The following TRMT2A variants were observed in gnomAD, a reference collection of about 807,000 sequenced individuals.
The protein encoded by TRMT2A is tRNA methyltransferase 2A.
In TRMT2A, 60 loss-of-function variants were observed where a neutral mutation model predicts 59.3. The observed-to-expected ratio is 1.01, with a 90% CI of 0.82 to 1.26. The LOEUF is 1.26. TRMT2A is among the 50% of genes most tolerant of loss of function. The pLI is 0.00. For missense variants in TRMT2A, 863 were observed against 845.2 expected (o/e 1.02, Z -0.26); for synonymous variants, 403 against 353.7 (o/e 1.14, Z -1.56).
intron 7 of TRMT2A, among the ~76,000 whole-genome samples, chr22:20,114,039 C>T (rs1313090711): frequency 6.6e-6 from 1 of 152,216 alleles, no homozygotes; most frequent in Admixed American, 6.5e-5. Flanking sequence ...CCTCCTTGCC[C>T]CACTTGGTTG....
chr22:20,112,287 T>G lies in TRMT2A; in HGVS notation c.*276A>C, dbSNP rs1230724199. On this transcript the variant is annotated 3_prime_UTR_variant, in exon 12 of 12. Coordinates refer to ENST00000252136, the MANE Select transcript of TRMT2A (RefSeq NM_022727.6). ...CCTGTGTTCAGACCCCTGGCTCTCA[T>G]CACAGAAACACCCTTTGTTGAGCAG... 1 of 507,776 alleles carries G rather than the reference T, an allele frequency of 2.0e-6. No individual in the cohort carries two copies. Among genetic ancestry groups the G allele is most frequent in the Middle Eastern group, 5.0e-4 (1 of 2,020 alleles). 31.5% of individuals were successfully genotyped at this position (507,776 alleles called of 1,614,324 possible). A position where few individuals can be genotyped will look rare whatever the true frequency, so the allele number is the denominator to read the frequency against.
At chr22:20,114,508 C>T in intron 7 of TRMT2A, 66 bp downstream of exon 7, 1 of 1,338,394 alleles carries the variant, frequency 7.5e-7, no homozygotes, top group South Asian at 1.2e-5. Context: ...CTGTTCCCAT[C>T]ACGTCCTGAT....
In TRMT2A at chr22:20,114,832, C is replaced by G; in HGVS notation, c.1050G>C (p.Ala350=). The change falls in exon 6 of 12, where the codon GCG becomes GCC. Residue 350 remains alanine, a synonymous_variant. Coordinates refer to ENST00000252136, the MANE Select transcript of TRMT2A (RefSeq NM_022727.6). Reference sequence around the variant, plus strand: ...TGCCTGGCCCTGCTGTGAAGTGCTGCGCTAGGGAGGTCTTCAGCTCTGCCA... The same window carrying G: ...TGCCTGGCCCTGCTGTGAAGTGCTGGGCTAGGGAGGTCTTCAGCTCTGCCA... ...EELAELKTSL[A]QHFTAGPGRA... is the part of the protein sequence containing the mutation. 6.2e-7 allele frequency: 1 copy of G among 1,607,128 alleles called. No individual in the cohort carries two copies. Among genetic ancestry groups the G allele is most frequent in the Non-Finnish European group, 8.5e-7 (1 of 1,178,072 alleles).
At position 20,116,265 on chromosome 22, in the gene TRMT2A, C is replaced by A; in HGVS notation, c.372G>T (p.Lys124Asn). ...GGGCACCATGCAAAACGCGCAGGGC[C>A]TTGTCCCTCTCTGCAGCGCTGCGGA... Reference protein sequence around the residue: ...VTFRSAAERDKALRVLHGALW... With the variant: ...VTFRSAAERDNALRVLHGALW... Residue 124 changes from lysine to asparagine, a missense_variant, in exon 2 of 12, where the codon AAG becomes AAT. Physicochemically the swap from Lys to Asn is moderately conservative, Grantham distance 94. Coordinates refer to ENST00000252136, the MANE Select transcript of TRMT2A (RefSeq NM_022727.6). The A allele has an allele frequency of 6.2e-7, 1 of 1,612,966 alleles. No individual in the cohort carries two copies. The highest frequency in any genetic ancestry group is 8.5e-7 in the Non-Finnish European group (1 of 1,180,030).
chr22:20,113,399 A>AGCCCC, intron 9 of TRMT2A, 33 bp downstream of exon 9: 7 of 713,630 alleles, frequency 9.8e-6, no homozygotes, highest in Non-Finnish European at 1.4e-5. Context: ...GGCTGCCCCC[A>AGCCCC]TCCCCACCCC....
chr22:20,114,939 TC>T, intron 5 of TRMT2A, 25 bp downstream of exon 5: 2 of 1,571,070 alleles, frequency 1.3e-6, no homozygotes, highest in Non-Finnish European at 1.7e-6. Context: ...CTAGGCACCC[TC>T]CCCCAGCAGG....
chr22:20,115,837 G>A, intron 2 of TRMT2A, 57 bp from the exon 3 acceptor site: 2 of 1,526,820 alleles, frequency 1.3e-6, no homozygotes, highest in Non-Finnish European at 1.8e-6. Flanking sequence ...ACCCATGCCA[G>A]GCCACTCCCC....
rs1387623863 is a variant in TRMT2A at position 20,114,569 on chromosome 22, G to T, written c.1233+5C>A. 6.2e-7 allele frequency: 1 copy of T among 1,611,402 alleles called. No homozygotes were observed. The highest frequency in any genetic ancestry group is 1.3e-5 in the African/African-American group (1 of 74,874). On this transcript the variant is annotated splice_donor_5th_base_variant and intron_variant, in intron 7 of 11. Coordinates refer to ENST00000252136, the MANE Select transcript of TRMT2A (RefSeq NM_022727.6). The stretch of plus-strand genomic sequence containing the variant: ...TCCCCATGCCCACCAGGGACTCATG[G>T]CTACCTGGAAGAAGGCGTGTGGAGA...
intron 5 of TRMT2A, 36 bp downstream of exon 5, chr22:20,114,929 C>A: frequency 6.4e-7 from 1 of 1,568,952 alleles, no homozygotes; most frequent in Admixed American, 1.9e-5. Context: ...CCCACCTAGG[C>A]TAGGCACCCT....
rs1431010054 is a variant in TRMT2A, at chr22:20,112,567, GATGAGGGGA to G, written c.1865_1873del (p.Phe622_Ser624del). On this transcript the variant is annotated inframe_deletion, in exon 12 of 12. Transcript: ENST00000252136. ...TCCCCATAATGGGTCCTGGGCCTAG[GATGAGGGGA>G]AGGTCCCAGTTTCTTGTAGGGTGTT... 1 of 1,613,686 alleles carries G rather than the reference GATGAGGGGA, an allele frequency of 6.2e-7. No homozygotes were observed. Among genetic ancestry groups the G allele is most frequent in the Non-Finnish European group, 8.5e-7 (1 of 1,179,996 alleles).
rs764062519 is a variant in TRMT2A, at chr22:20,113,799, G to C, written c.1243C>G (p.Pro415Ala). 1 of 1,577,274 alleles carries C rather than the reference G, an allele frequency of 6.3e-7. No individual in the cohort carries two copies. Among genetic ancestry groups the C allele is most frequent in the Non-Finnish European group, 8.6e-7 (1 of 1,159,682 alleles). The change falls in exon 8 of 12, where the codon CCC (proline) becomes GCC (alanine). Residue 415 changes from proline to alanine, a missense_variant. Coordinates refer to ENST00000252136, the MANE Select transcript of TRMT2A (RefSeq NM_022727.6). Reference protein sequence around the residue: ...SPHAFFQVNTPAAEVLYTVIQ... With the variant: ...SPHAFFQVNTAAAEVLYTVIQ... ...ACTGTGTAGAGCACCTCGGCTGCGG[G>C]TGTGTTCACCTGGGGGCAGGCGGTG...
chr22:20,113,833 G>A (rs753572996), intron 7 of TRMT2A, 25 bp from the exon 8 acceptor site: 1 of 1,535,986 alleles, frequency 6.5e-7, no homozygotes, highest in South Asian at 1.2e-5. Flanking sequence ...TGCCCAGGAT[G>A]TCAGTGGCTC....
At chr22:20,115,568 C>A (rs781402775) in intron 3 of TRMT2A, 104 bp downstream of exon 3, 1 of 1,562,606 alleles carries the variant, frequency 6.4e-7, no homozygotes, top group East Asian at 2.3e-5. Context: ...TGTGATGTTA[C>A]CAGAAGAAAA....
rs757491145 is a variant in TRMT2A at position 20,115,015 on chromosome 22, G to A, written c.955C>T (p.Arg319Cys). 2.3e-5 allele frequency: 36 copies of A among 1,599,020 alleles called. No individual in the cohort carries two copies. Among genetic ancestry groups the A allele is most frequent in the Middle Eastern group, 1.7e-4 (1 of 5,936 alleles). Reference sequence around the variant, plus strand: ...ATGGCCTGGTGGCGGCGGCTGGTGCGCACAGTCAGCTGCTTCCAGTGGCCT... The same window carrying A: ...ATGGCCTGGTGGCGGCGGCTGGTGCACACAGTCAGCTGCTTCCAGTGGCCT... The part of the protein sequence containing the change: ...YTGHWKQLTV[R>C]TSRRHQAMAI... The change falls in exon 5 of 12, where the codon CGC becomes TGC. Residue 319 changes from arginine to cysteine, a missense_variant. By Grantham distance (180) the Arg-to-Cys change is radical. Coordinates refer to ENST00000252136, the MANE Select transcript of TRMT2A (RefSeq NM_022727.6).
intron 2 of TRMT2A, 76 bp downstream of exon 2, chr22:20,115,962 T>G (rs2050001734): frequency 6.7e-7 from 1 of 1,490,952 alleles, no homozygotes; most frequent in Admixed American, 2.2e-5. Context: ...GCCTCCCAAC[T>G]GGTGCATGGA....
Position 20,113,822 on chromosome 22 carries a change from G to A in TRMT2A, c.1234-14C>T, listed in dbSNP as rs2049923896. The A allele has an allele frequency of 6.5e-7, 1 of 1,544,658 alleles. No individual in the cohort carries two copies. The highest frequency in any genetic ancestry group is 2.3e-5 in the East Asian group (1 of 43,776). On this transcript the variant is annotated splice_polypyrimidine_tract_variant and intron_variant, in intron 7 of 11. Transcript: ENST00000252136. ...GGGTGTGTTCACCTGGGGGCAGGCGGTGCCCAGGATGTCAGTGGCTCCTCT... is the reference window on the plus strand; with the variant it reads ...GGGTGTGTTCACCTGGGGGCAGGCGATGCCCAGGATGTCAGTGGCTCCTCT...
rs552363597 is a variant in TRMT2A at position 20,115,702 on chromosome 22, C to T, written c.678G>A (p.Pro226=). ...QRHKHNKACC[P]LEGVRPSPQQ... is the part of the protein sequence containing the mutation. ...GGGGTGATGGCCTGACCCCCTCCAG[C>T]GGGCAGCAGGCCTTGTTGTGCTTGT... The change falls in exon 3 of 12, where the codon CCG becomes CCA. Residue 226 remains proline, a synonymous_variant. Transcript: ENST00000252136. 69 of 1,612,950 alleles carry T rather than the reference C, an allele frequency of 4.3e-5. No individual in the cohort carries two copies. Among genetic ancestry groups the T allele is most frequent in the African/African-American group, 2.1e-4 (16 of 75,054 alleles).
In TRMT2A at chr22:20,113,717, C is replaced by G; in HGVS notation, c.1325G>C (p.Gly442Ala). 6.2e-7 allele frequency: 1 copy of G among 1,604,908 alleles called. No individual in the cohort carries two copies. The highest frequency in any genetic ancestry group is 8.5e-7 in the Non-Finnish European group (1 of 1,176,396). ...AGSMVLDVCC[G>A]TGTIGLALAR... ...CAGGGCCAGGCCAATGGTGCCGGTG[C>G]CACAGCACACGTCCAGCACCATGCT... The change falls in exon 8 of 12, where the codon GGC (glycine) becomes GCC (alanine). Residue 442 changes from glycine (G) to alanine (A), a missense_variant. Transcript: ENST00000252136.
intron 7 of TRMT2A, among the ~76,000 whole-genome samples, chr22:20,114,134 G>A (rs1242665126): frequency 6.6e-6 from 1 of 152,116 alleles, no homozygotes; most frequent in African/African-American, 2.4e-5. Flanking sequence ...TCACACCGGG[G>A]CCCCTGGAAT....
Sources: allele counts gnomAD v4.1 joint callset (sites outside exome capture counted in the v4.1 genomes callset), GRCh38; gene constraint gnomAD v4.1.1; transcripts MANE v1.5; gene names NCBI Gene and HGNC (gene_info 2026-07-23, HGNC 2026-07-21).